WARS1: variants seen among roughly 807,000 people sequenced by gnomAD.
WARS1 encodes tryptophanyl-tRNA synthetase 1, also known as tryptophan--tRNA ligase, cytoplasmic.
WARS1 carries 17 observed loss-of-function variants against 47.8 expected under a neutral mutation model. The observed-to-expected ratio is 0.36, with a 90% CI of 0.24 to 0.53. The LOEUF is 0.53. Ranked by LOEUF, WARS1 falls within the 20% of genes least tolerant of loss-of-function variation. The probability of loss-of-function intolerance (pLI) is 0.91; values close to 1 mark genes in which losing one functional copy is unlikely to be tolerated. For synonymous variants in WARS1, 208 were observed against 228.1 expected (o/e 0.91, Z 0.79); for missense variants, 434 against 608.0 (o/e 0.71, Z 3.01).
intron 2 of WARS1, chr14:100,367,035 A>T: frequency 3.8e-6 from 3 of 782,648 alleles, no homozygotes; most frequent in Non-Finnish European, 6.0e-6. Flanking sequence ...GATTTAATAC[A>T]GTAAAATAAG....
intron 4 of WARS1, among the ~76,000 whole-genome samples, chr14:100,357,782 T>C (rs180847771): frequency 1.8e-4 from 28 of 152,250 alleles, no homozygotes; most frequent in Admixed American, 7.8e-4. Flanking sequence ...TTCTATATAG[T>C]AGCAATGAAC....
At chr14:100,345,688 AG>A (rs1894565051) in intron 7 of WARS1, among the ~76,000 whole-genome samples, 1 of 151,936 alleles carries the variant, frequency 6.6e-6, no homozygotes, top group Non-Finnish European at 1.5e-5. Context: ...AAAAAAAAAA[AG>A]AAGTTATGAT....
At chr14:100,357,657 C>T (rs975375149) in intron 4 of WARS1, among the ~76,000 whole-genome samples, 2 of 152,070 alleles carry the variant, frequency 1.3e-5, no homozygotes, top group African/African-American at 2.4e-5. Context: ...GATGTGGTTT[C>T]ACCATGTTGG....
At chr14:100,352,108 CT>C (rs1172421175) in intron 6 of WARS1, among the ~76,000 whole-genome samples, 1,124 of 94,206 alleles carry the variant, frequency 0.012, 2 homozygotes, top group African/African-American at 0.04. Context: ...CAGTTTCTTT[CT>C]TTTTTTTTTT....
At chr14:100,343,532 A>T (rs1035961045) in intron 7 of WARS1, 145 bp from the exon 8 acceptor site, 1 of 582,770 alleles carries the variant, frequency 1.7e-6, no homozygotes. Flanking sequence ...AGAAAGAACA[A>T]GCTGTACAGT....
At position 100,342,392 on chromosome 14, in the gene WARS1, G is replaced by T. The variant is rs1194734303; in HGVS notation, c.1113+6C>A. ...CTGGCTGCCCTCTGCCTGGGCCACT[G>T]CTCACCTTGGTTTTGATCTGCTTGG... is the stretch of plus-strand genomic sequence containing the variant. On this transcript the variant is annotated splice_donor_region_variant and intron_variant, in intron 9 of 10. Transcript: ENST00000392882. The T allele has an allele frequency of 3.1e-6, 5 of 1,613,222 alleles. No homozygotes were observed. In the African/African-American group the frequency reaches 6.7e-5, roughly 22 times the overall value.
intron 1 of WARS1, among the ~76,000 whole-genome samples, chr14:100,374,621 A>G (rs867707255): frequency 2.0e-5 from 3 of 152,220 alleles, no homozygotes; most frequent in Non-Finnish European, 4.4e-5. Flanking sequence ...GGGCACGCTG[A>G]TTCTGCAATC....
chr14:100,370,036 C>T (rs947131165), intron 1 of WARS1, among the ~76,000 whole-genome samples: 1 of 152,172 alleles, frequency 6.6e-6, no homozygotes, highest in Non-Finnish European at 1.5e-5. Flanking sequence ...TAATATATCG[C>T]TGAGCAAATG....
At chr14:100,360,133 CTG>C (rs1245727630) in intron 4 of WARS1, among the ~76,000 whole-genome samples, 1 of 152,122 alleles carries the variant, frequency 6.6e-6, no homozygotes, top group African/African-American at 2.4e-5. Context: ...GTTGGTTTGT[CTG>C]TTGGTATTGT....
chr14:100,338,470 T>C (rs1322614146), intron 9 of WARS1, among the ~76,000 whole-genome samples: 1 of 152,158 alleles, frequency 6.6e-6, no homozygotes, highest in African/African-American at 2.4e-5. Context: ...TTTTGTCGTG[T>C]AGTCCAGTCT....
At position 100,373,928 on chromosome 14, in the gene WARS1, C is replaced by G. The variant is rs1006621788; in HGVS notation, c.-74+1355G>C. 1 of 152,004 alleles carries G rather than the reference C, an allele frequency of 6.6e-6. No individual in the cohort carries two copies. The highest frequency in any genetic ancestry group is 2.4e-5 in the African/African-American group (1 of 41,384). The allele number at this position is 152,004 out of a possible 1,614,324, so 9.4% of individuals were successfully genotyped here. On this transcript the variant is annotated intron_variant, in intron 1 of 10. Transcript: ENST00000392882. This position sits in a 1 kb window ranked among gnomAD's most constrained non-coding sequence, Gnocchi z 4.4. ...TGGAACTACCATCTTCCTCATTTCA[C>G]GCATTTATGAGTTTACCCCATTTCC...
intron 4 of WARS1, among the ~76,000 whole-genome samples, chr14:100,357,089 C>T (rs1895368832): frequency 6.6e-6 from 1 of 152,094 alleles, no homozygotes; most frequent in Non-Finnish European, 1.5e-5. Context: ...ACAGAAAATG[C>T]ATTTGATAAA....
intron 4 of WARS1, among the ~76,000 whole-genome samples, chr14:100,358,477 A>C (rs1895469687): frequency 6.6e-6 from 1 of 152,200 alleles, no homozygotes; most frequent in Admixed American, 6.5e-5. Context: ...TTGGATACCC[A>C]CAAGCAAAAG....
chr14:100,358,156 A>G (rs1157786273), intron 4 of WARS1, among the ~76,000 whole-genome samples: 1 of 151,980 alleles, frequency 6.6e-6, no homozygotes, highest in Admixed American at 6.6e-5. Flanking sequence ...TTTTTTTGAG[A>G]CGGAGTCTCA....
At chr14:100,349,777 G>A (rs1181402975) in intron 6 of WARS1, among the ~76,000 whole-genome samples, 1 of 152,192 alleles carries the variant, frequency 6.6e-6, no homozygotes, top group Non-Finnish European at 1.5e-5. Context: ...GAACTGCACT[G>A]GCCTCCTCCC....
chr14:100,347,496 T>G (rs4900461), intron 6 of WARS1, among the ~76,000 whole-genome samples: 146,452 of 152,186 alleles, frequency 0.96, 70,722 homozygotes, highest in East Asian at 1. Context: ...ATGTGTGGCA[T>G]CCATTCCACT....
upstream of WARS1, chr14:100,376,207 T>C (rs527525096): frequency 1.6e-5 from 5 of 305,156 alleles, no homozygotes; most frequent in South Asian, 6.2e-4. Flanking sequence ...CGTCCCTCCA[T>C]CACTCCCTCC....
rs555468981 is a variant in WARS1 at position 100,355,970 on chromosome 14, G to A, written c.423-1404C>T. On this transcript the variant is annotated intron_variant, in intron 4 of 10. Transcript: ENST00000392882. ...TTTCTTGTGTTTATGTGGAGCATCT[G>A]AGAACTCACTGTGTGCTCGGTCCTG... Among the ~76,000 whole-genome samples, 8 of 152,276 alleles carry A rather than the reference G, an allele frequency of 5.3e-5. 1 individual carries two copies. In the East Asian group the frequency reaches 1.5e-3, roughly 29 times the overall value.
At chr14:100,338,172 A>G (rs945158060) in intron 9 of WARS1, among the ~76,000 whole-genome samples, 2 of 152,252 alleles carry the variant, frequency 1.3e-5, no homozygotes, top group African/African-American at 4.8e-5. Flanking sequence ...GGAATTGTTA[A>G]AGATAATCAC....
Sources: gnomAD v4.1 joint callset for allele counts (sites outside exome capture counted in the v4.1 genomes callset) on GRCh38, gnomAD v4.1.1 for gene constraint, Gnocchi (gnomAD v3.1) non-coding constraint, MANE v1.5 for transcripts, NCBI Gene and HGNC (gene_info 2026-07-23, HGNC 2026-07-21) for gene names.